PARP11: variants seen among roughly 807,000 people sequenced by gnomAD.
The protein encoded by PARP11 is protein mono-ADP-ribosyltransferase PARP11.
Under a neutral mutation model 42.9 loss-of-function variants are expected in PARP11, and 31 were observed. The ratio of observed to expected loss-of-function variants is 0.72; its 90% CI spans 0.54 to 0.98. PARP11 has a LOEUF of 0.98. Among genes scored for constraint, PARP11 ranks in the 50% least tolerant of loss-of-function variants. PARP11 has a pLI of 0.00. For missense variants in PARP11, 365 were observed against 413.1 expected, an observed-to-expected ratio of 0.88 and a Z score of 1.01; for synonymous variants, 137 against 127.3, an observed-to-expected ratio of 1.08 and a Z score of -0.51.
intron 3 of PARP11, among the ~76,000 whole-genome samples, chr12:3,827,028 T>A (rs12426410): frequency 0.12 from 18,007 of 152,228 alleles, 1,330 homozygotes; most frequent in Admixed American, 0.23. Flanking sequence ...TTCTGTGTTC[T>A]CCTAGACTCT....
At position 3,873,326 on chromosome 12, in the gene PARP11, G is replaced by T. The variant is rs1948530128; in HGVS notation, c.-97C>A. On this transcript the variant is annotated 5_prime_UTR_variant, in exon 1 of 8. Coordinates refer to ENST00000228820, the MANE Select transcript of PARP11 (RefSeq NM_020367.6). ...TTTTTTCCCGCGGGTCCCCGGGAGCGAAGGGACGGAGATGCAACCTTTACG... is the reference window on the plus strand; with the variant it reads ...TTTTTTCCCGCGGGTCCCCGGGAGCTAAGGGACGGAGATGCAACCTTTACG... 1 of 1,197,240 alleles carries T rather than the reference G, an allele frequency of 8.4e-7. No homozygotes were observed. The highest frequency in any genetic ancestry group is 1.2e-6 in the Non-Finnish European group (1 of 824,922). 74.2% of individuals were successfully genotyped at this position (1,197,240 alleles called of 1,614,324 possible).
intron 1 of PARP11, among the ~76,000 whole-genome samples, chr12:3,848,028 T>A (rs1392259064): frequency 1.3e-5 from 2 of 151,410 alleles, no homozygotes; most frequent in Admixed American, 6.6e-5. Context: ...GAGCAAACAA[T>A]CTAAAAAAGA....
chr12:3,812,184 T>A lies in PARP11; in HGVS notation c.956A>T (p.Lys319Met). 6.2e-7 allele frequency: 1 copy of A among 1,614,012 alleles called. No individual in the cohort carries two copies. The change falls in exon 8 of 8, where the codon AAG becomes ATG. Residue 319 changes from lysine to methionine, a missense_variant. Coordinates refer to ENST00000228820, the MANE Select transcript of PARP11 (RefSeq NM_020367.6). ...DSCVDDTWNP[K>M]IFVVFDANQI... ...GTTGGCATCAAAAACCACAAAGATC[T>A]TTGGGTTCCAGGTATCATCCACACA...
At chr12:3,814,240 T>C in intron 6 of PARP11, 52 bp from the exon 7 acceptor site, 9 of 1,396,552 alleles carry the variant, frequency 6.4e-6, no homozygotes, top group African/African-American at 4.3e-5. Flanking sequence ...ATACCATAAG[T>C]AGCATTTATT....
intron 1 of PARP11, among the ~76,000 whole-genome samples, chr12:3,854,057 G>A (rs1053631471): frequency 6.6e-6 from 1 of 152,066 alleles, no homozygotes; most frequent in African/African-American, 2.4e-5. Flanking sequence ...ACTAAATGAA[G>A]GTAGAAATAA....
At chr12:3,839,729 T>C in intron 1 of PARP11, 2 of 1,101,484 alleles carry the variant, frequency 1.8e-6, no homozygotes, top group Non-Finnish European at 2.8e-6. Flanking sequence ...TTACTGTGTT[T>C]TTCAAATGGA....
intron 1 of PARP11, among the ~76,000 whole-genome samples, chr12:3,836,056 C>A (rs1372884417): frequency 6.6e-6 from 1 of 151,794 alleles, no homozygotes; most frequent in African/African-American, 2.4e-5. Flanking sequence ...TACACACACT[C>A]ACACACATAT....
At chr12:3,826,263 T>C in intron 3 of PARP11, 30 bp from the exon 4 acceptor site, 1 of 1,480,376 alleles carries the variant, frequency 6.8e-7, no homozygotes, top group Non-Finnish European at 9.2e-7. Context: ...ATTAGATAAG[T>C]CATAAAAGTA....
At chr12:3,863,902 A>G (rs1948343354) in intron 1 of PARP11, 1 of 152,224 alleles carries the variant, frequency 6.6e-6, no homozygotes, top group Admixed American at 6.5e-5. Context: ...TTGCTAGTAT[A>G]AACAATCTGG....
chr12:3,825,109 C>CTT (rs141388668), intron 4 of PARP11, among the ~76,000 whole-genome samples: 2 of 146,716 alleles, frequency 1.4e-5, no homozygotes, highest in African/African-American at 4.9e-5. Flanking sequence ...AACATGCTAC[C>CTT]TTTTTTTTTT....
Position 3,838,462 on chromosome 12 carries a change from A to T in PARP11, c.19-8444T>A, listed in dbSNP as rs117781650. On this transcript the variant is annotated intron_variant, in intron 1 of 7. Coordinates refer to ENST00000228820, the MANE Select transcript of PARP11 (RefSeq NM_020367.6). ...GATACAACAAAAGCAGTACTAAAAG[A>T]GAAGTTTATAGCAATAAACAGCTGT... is the stretch of plus-strand genomic sequence containing the variant. Among the ~76,000 whole-genome samples, 982 of 152,318 alleles carry T rather than the reference A, an allele frequency of 6.4e-3. 8 individuals are homozygous for T. Among genetic ancestry groups the T allele is most frequent in the Non-Finnish European group, 0.011 (752 of 68,026 alleles).
chr12:3,830,076 T>G, intron 1 of PARP11, 58 bp from the exon 2 acceptor site: 1 of 1,505,830 alleles, frequency 6.6e-7, no homozygotes, highest in Non-Finnish European at 9.2e-7. Context: ...AAGTATACTT[T>G]TTACAGATCA....
intron 1 of PARP11, among the ~76,000 whole-genome samples, chr12:3,860,855 A>AT (rs1408132826): frequency 6.6e-6 from 1 of 151,674 alleles, no homozygotes; most frequent in African/African-American, 2.4e-5. Flanking sequence ...TAATTTTTCA[A>AT]TTTTTTCAGA....
rs750251942 is a variant in PARP11 at position 3,828,965 on chromosome 12, A to G, written c.213T>C (p.Pro71=). ...AAGTAGTAAAAGAAATGGAGCCACA[A>G]GGGTTTGTTTTGAAGCTTTTTTCGA... The part of the protein sequence containing the change: ...EDIEKSFKTN[P]CGSISFTTSK... The change falls in exon 3 of 8, where the codon CCT becomes CCC. Residue 71 remains proline, a synonymous_variant. Coordinates refer to ENST00000228820, the MANE Select transcript of PARP11 (RefSeq NM_020367.6). 7 of 1,614,020 alleles carry G rather than the reference A, an allele frequency of 4.3e-6. No individual in the cohort carries two copies. The East Asian group carries it at 1.3e-4, about 31-fold the overall frequency.
At chr12:3,852,082 G>C (rs1208882833) in intron 1 of PARP11, among the ~76,000 whole-genome samples, 1 of 152,108 alleles carries the variant, frequency 6.6e-6, no homozygotes, top group African/African-American at 2.4e-5. Context: ...GAAAGGAATA[G>C]CATCAACACC....
intron 1 of PARP11, among the ~76,000 whole-genome samples, chr12:3,838,322 G>T (rs184501842): frequency 4.3e-4 from 66 of 151,918 alleles, no homozygotes; most frequent in Non-Finnish European, 7.8e-4. Flanking sequence ...ACAAAAACAT[G>T]GAAATTAAAC....
intron 1 of PARP11, among the ~76,000 whole-genome samples, chr12:3,832,312 A>G (rs1947659657): frequency 6.6e-6 from 1 of 152,218 alleles, no homozygotes; most frequent in African/African-American, 2.4e-5. Context: ...GAGATAAGTG[A>G]TTATTTTCCA....
At chr12:3,850,987 A>G (rs1312819222) in intron 1 of PARP11, among the ~76,000 whole-genome samples, 1 of 152,256 alleles carries the variant, frequency 6.6e-6, no homozygotes, top group Non-Finnish European at 1.5e-5. Flanking sequence ...TTGAAAGGAT[A>G]GTCCATCAGC....
At chr12:3,822,548 G>T (rs998412692) in intron 4 of PARP11, among the ~76,000 whole-genome samples, 2 of 148,338 alleles carry the variant, frequency 1.3e-5, no homozygotes, top group African/African-American at 5.0e-5. Flanking sequence ...GCAGTGAGCC[G>T]AGATTGCGCC....
Sources: allele counts gnomAD v4.1 joint callset (sites outside exome capture counted in the v4.1 genomes callset), GRCh38; gene constraint gnomAD v4.1.1; transcripts MANE v1.5; gene names NCBI Gene and HGNC (gene_info 2026-07-23, HGNC 2026-07-21).